Variants in NTRK2 observed in about 807,000 individuals in gnomAD.
NTRK2 encodes neurotrophic receptor tyrosine kinase 2.
In NTRK2, 13 loss-of-function variants were observed where a neutral mutation model predicts 94.5. That is an observed-to-expected ratio of 0.14 (90% CI 0.09 to 0.22). The LOEUF (loss-of-function observed/expected upper bound fraction) is 0.22. Ranked by LOEUF, NTRK2 falls within the 10% of genes least tolerant of loss-of-function variation. The pLI is 1.00. For synonymous variants in NTRK2, 372 were observed against 407.4 expected, an observed-to-expected ratio of 0.91 and a Z score of 1.05; for missense variants, 639 against 1,071.2, an observed-to-expected ratio of 0.60 and a Z score of 5.63.
intron 12 of NTRK2, among the ~76,000 whole-genome samples, chr9:84,754,408 A>G (rs1422341225): frequency 1.3e-5 from 2 of 152,126 alleles, no homozygotes; most frequent in African/African-American, 2.4e-5. Context: ...TTTGCAAGTC[A>G]GATGTCGAGT....
chr9:85,001,760 C>A (rs1047330686), intron 17 of NTRK2, among the ~76,000 whole-genome samples: 1 of 152,200 alleles, frequency 6.6e-6, no homozygotes, highest in Non-Finnish European at 1.5e-5. Context: ...AGGGCCCGTG[C>A]CATAATTGGG....
chr9:84,720,413 C>G (rs935056331), intron 6 of NTRK2, among the ~76,000 whole-genome samples: 1 of 152,188 alleles, frequency 6.6e-6, no homozygotes, highest in Non-Finnish European at 1.5e-5. Context: ...TTCCAGACCT[C>G]TTTCTCCTCC....
intron 12 of NTRK2, among the ~76,000 whole-genome samples, chr9:84,858,056 C>G (rs1241739875): frequency 6.6e-6 from 1 of 152,132 alleles, no homozygotes; most frequent in Non-Finnish European, 1.5e-5. Flanking sequence ...CTGAAACCTT[C>G]ATTGTTTTCT....
At chr9:84,863,963 G>T (rs1441948867) in intron 13 of NTRK2, among the ~76,000 whole-genome samples, 3 of 152,182 alleles carry the variant, frequency 2.0e-5, no homozygotes, top group African/African-American at 7.2e-5. Context: ...GAGTTGGGGG[G>T]TTTAATTGGA....
At chr9:84,816,841 T>C (rs1004829667) in intron 12 of NTRK2, among the ~76,000 whole-genome samples, 1 of 151,828 alleles carries the variant, frequency 6.6e-6, no homozygotes, top group Non-Finnish European at 1.5e-5. Flanking sequence ...TGACTTGTGC[T>C]TTTTCCAAAC....
intron 12 of NTRK2, among the ~76,000 whole-genome samples, chr9:84,796,093 C>T (rs1355333288): frequency 1.3e-5 from 2 of 152,042 alleles, no homozygotes; most frequent in African/African-American, 4.8e-5. Context: ...CTGCAACCAA[C>T]AAATAAAAAC....
At chr9:84,715,468 T>A (rs566318911) in intron 6 of NTRK2, among the ~76,000 whole-genome samples, 2 of 152,296 alleles carry the variant, frequency 1.3e-5, no homozygotes, top group South Asian at 4.1e-4. Context: ...AACAGTCCCC[T>A]CCTGCTGTGA....
intron 14 of NTRK2, among the ~76,000 whole-genome samples, chr9:84,921,705 G>T (rs2077572134): frequency 1.3e-5 from 2 of 152,136 alleles, no homozygotes; most frequent in South Asian, 2.1e-4. Flanking sequence ...ATAGAAGAAT[G>T]AAAAATAATG....
intron 12 of NTRK2, among the ~76,000 whole-genome samples, chr9:84,855,750 C>A (rs2075034219): frequency 6.6e-6 from 1 of 152,126 alleles, no homozygotes. Context: ...CTCTGAGATG[C>A]ATTCTACTCT....
intron 14 of NTRK2, among the ~76,000 whole-genome samples, chr9:84,868,031 CT>C (rs2075675847): frequency 6.6e-6 from 1 of 152,336 alleles, no homozygotes; most frequent in Admixed American, 6.5e-5. Flanking sequence ...CCATTAATCT[CT>C]GTTAGCAAGC....
At chr9:84,956,749 T>C (rs1290143443) in intron 17 of NTRK2, among the ~76,000 whole-genome samples, 2 of 152,180 alleles carry the variant, frequency 1.3e-5, no homozygotes, top group African/African-American at 4.8e-5. Context: ...TGCTCACCTC[T>C]ATGGCCTCTG....
Position 84,670,889 on chromosome 9 carries a change from C to A in NTRK2, c.141C>A (p.Asp47Glu). The change falls in exon 2 of 19, where the codon GAC becomes GAA. Residue 47 changes from aspartate (D) to glutamate (E), a missense_variant. Physicochemically the swap from Asp to Glu is conservative, Grantham distance 45. Coordinates refer to ENST00000277120, the MANE Select transcript of NTRK2 (RefSeq NM_006180.6). ...GTGCCTCTCGGATCTGGTGCAGCGA[C>A]CCTTCTCCTGGCATCGTGGCATTTC... ...KCSASRIWCS[D>E]PSPGIVAFPR... 6.2e-7 allele frequency: 1 copy of A among 1,613,016 alleles called. No homozygotes were observed. The highest frequency in any genetic ancestry group is 8.5e-7 in the Non-Finnish European group (1 of 1,180,024).
chr9:85,007,466 G>T (rs752200881), intron 17 of NTRK2, among the ~76,000 whole-genome samples: 45 of 152,208 alleles, frequency 3.0e-4, no homozygotes, highest in Non-Finnish European at 5.9e-4. Flanking sequence ...AGTCACTGAA[G>T]AGTTTGCTAT....
At chr9:84,925,920 G>A (rs1170691173) in intron 14 of NTRK2, among the ~76,000 whole-genome samples, 1 of 152,146 alleles carries the variant, frequency 6.6e-6, no homozygotes, top group African/African-American at 2.4e-5. Flanking sequence ...CCTGTGGAGT[G>A]TGTGAGCTGG....
At chr9:84,898,367 T>G (rs1397750111) in intron 14 of NTRK2, among the ~76,000 whole-genome samples, 1 of 152,216 alleles carries the variant, frequency 6.6e-6, no homozygotes, top group Non-Finnish European at 1.5e-5. Flanking sequence ...GTGAAGTAGA[T>G]CTTTGTGTTT....
At chr9:84,792,504 C>T (rs2133223066) in intron 12 of NTRK2, among the ~76,000 whole-genome samples, 1 of 152,244 alleles carries the variant, frequency 6.6e-6, no homozygotes, top group Middle Eastern at 3.4e-3. Context: ...TCCTTCTCTG[C>T]CACCTACTTT....
chr9:84,669,505 G>T (rs2058562180), upstream of NTRK2: 1 of 152,488 alleles, frequency 6.6e-6, no homozygotes, highest in Non-Finnish European at 1.5e-5. This position sits in a 1 kb window ranked among gnomAD's most constrained non-coding sequence, Gnocchi z 4.1. Flanking sequence ...ATGTGTGCGT[G>T]TGTGCGCGCG....
intron 9 of NTRK2, among the ~76,000 whole-genome samples, chr9:84,732,443 G>C (rs2062957762): frequency 6.6e-6 from 1 of 152,172 alleles, no homozygotes; most frequent in Non-Finnish European, 1.5e-5. Context: ...AAGGTCCCTA[G>C]TGATTCTAAT....
At chr9:84,983,661 A>C (rs1440079555) in intron 17 of NTRK2, among the ~76,000 whole-genome samples, 2 of 152,208 alleles carry the variant, frequency 1.3e-5, no homozygotes, top group Non-Finnish European at 2.9e-5. Flanking sequence ...TATTTGTAGG[A>C]TCATTCCCCA....
Sources: allele counts gnomAD v4.1 joint callset (sites outside exome capture counted in the v4.1 genomes callset), GRCh38; gene constraint gnomAD v4.1.1; non-coding constraint Gnocchi (gnomAD v3.1); transcripts MANE v1.5; gene names NCBI Gene and HGNC (gene_info 2026-07-23, HGNC 2026-07-21).